The following SCFD2 variants were observed in gnomAD, a reference collection of about 807,000 sequenced individuals.
SCFD2 encodes sec1 family domain-containing protein 2.
In SCFD2, 54 loss-of-function variants were observed where a neutral mutation model predicts 58.9. The ratio of observed to expected loss-of-function variants is 0.92; its 90% CI spans 0.74 to 1.15. The LOEUF (loss-of-function observed/expected upper bound fraction) is 1.15, where lower values mean the gene tolerates loss of function less well. Ranked by LOEUF, SCFD2 falls within the 50% of genes most tolerant of loss-of-function variation. SCFD2 has a pLI of 0.00. For synonymous variants in SCFD2, 321 were observed against 335.9 expected, an observed-to-expected ratio of 0.96 and a Z score of 0.49; for missense variants, 805 against 836.6, an observed-to-expected ratio of 0.96 and a Z score of 0.47.
At chr4:53,136,517 A>C (rs953564120) in intron 5 of SCFD2, among the ~76,000 whole-genome samples, 1 of 152,230 alleles carries the variant, frequency 6.6e-6, no homozygotes, top group Non-Finnish European at 1.5e-5. Context: ...GGAAAACCTG[A>C]AAACACAATG....
intron 4 of SCFD2, among the ~76,000 whole-genome samples, chr4:53,237,529 C>G (rs1278417259): frequency 1.3e-4 from 10 of 78,548 alleles, no homozygotes; most frequent in Admixed American, 1.1e-3. Flanking sequence ...CTGACCCCCA[C>G]CTCTCTCCCA....
At chr4:53,017,088 A>G (rs1287915968) in intron 5 of SCFD2, among the ~76,000 whole-genome samples, 2 of 149,582 alleles carry the variant, frequency 1.3e-5, no homozygotes, top group Non-Finnish European at 2.9e-5. Flanking sequence ...AGCCTGGGCA[A>G]CAGAGCGAGA....
intron 4 of SCFD2, among the ~76,000 whole-genome samples, chr4:53,181,162 C>A (rs979016771): frequency 6.6e-6 from 1 of 152,096 alleles, no homozygotes; most frequent in African/African-American, 2.4e-5. Flanking sequence ...GTTATGAGGC[C>A]AGCATCATCC....
intron 4 of SCFD2, among the ~76,000 whole-genome samples, chr4:53,247,630 C>T (rs1308868021): frequency 4.6e-5 from 7 of 151,650 alleles, no homozygotes; most frequent in Middle Eastern, 6.8e-3. Flanking sequence ...GAGGCCGAGG[C>T]GGGTGGATCA....
intron 6 of SCFD2, among the ~76,000 whole-genome samples, chr4:52,914,646 C>A (rs1251695183): frequency 6.6e-6 from 1 of 152,126 alleles, no homozygotes; most frequent in Non-Finnish European, 1.5e-5. Context: ...ACATACAGTG[C>A]CTTGGGCCCA....
intron 5 of SCFD2, among the ~76,000 whole-genome samples, chr4:53,102,398 G>T (rs937416685): frequency 6.6e-6 from 1 of 151,932 alleles, no homozygotes; most frequent in Non-Finnish European, 1.5e-5. Context: ...TTTAAAAATT[G>T]ACATATTTGA....
chr4:53,117,591 TC>T (rs1306010692), intron 5 of SCFD2, among the ~76,000 whole-genome samples: 1 of 152,128 alleles, frequency 6.6e-6, no homozygotes, highest in Non-Finnish European at 1.5e-5. Flanking sequence ...CTCCTTCCCA[TC>T]CCACCATCCA....
intron 3 of SCFD2, among the ~76,000 whole-genome samples, chr4:53,275,441 C>T (rs1731299222): frequency 6.6e-6 from 1 of 152,126 alleles, no homozygotes; most frequent in African/African-American, 2.4e-5. Context: ...CTCAAAGCAG[C>T]AAGCTAACAA....
chr4:53,243,708 G>A (rs1315801614), intron 4 of SCFD2, among the ~76,000 whole-genome samples: 1 of 151,588 alleles, frequency 6.6e-6, no homozygotes, highest in Non-Finnish European at 1.5e-5. Flanking sequence ...AAAAAAAAGA[G>A]AGAAAAAAAA....
intron 5 of SCFD2, among the ~76,000 whole-genome samples, chr4:53,043,285 T>C (rs1461839906): frequency 1.3e-5 from 2 of 152,118 alleles, no homozygotes; most frequent in African/African-American, 4.8e-5. Flanking sequence ...AGGGATGGCA[T>C]TGAGCCAAAA....
At position 53,258,488 on chromosome 4, in the gene SCFD2, G is replaced by A. The variant is rs114610616; in HGVS notation, c.1311+15338C>T. Among the ~76,000 whole-genome samples the A allele has an allele frequency of 2.7e-3, 393 of 146,566 alleles. 1 individual carries two copies. The highest frequency in any genetic ancestry group is 9.6e-3 in the African/African-American group (375 of 39,128). On this transcript the variant is annotated intron_variant, in intron 4 of 8. Transcript: ENST00000401642. ...CAATTCCATCAAGGTTGCTGCAAATGCCATTATTTTGTTTCTTTTTATGGC... is the reference window on the plus strand; with the variant it reads ...CAATTCCATCAAGGTTGCTGCAAATACCATTATTTTGTTTCTTTTTATGGC...
chr4:52,945,765 G>A (rs925225606), intron 5 of SCFD2: 1 of 152,112 alleles, frequency 6.6e-6, no homozygotes, highest in Admixed American at 6.6e-5. Context: ...AATAACGTAA[G>A]TTTCAAATGG....
chr4:53,075,871 C>T lies in SCFD2; in HGVS notation c.1561+69462G>A, dbSNP rs554403502. Among the ~76,000 whole-genome samples the T allele has an allele frequency of 8.5e-5, 13 of 152,264 alleles. No individual in the cohort carries two copies. In the South Asian group the frequency reaches 2.5e-3, roughly 29 times the overall value. ...TTGTGAGAGTTACCAAAATGTGACA[C>T]AGACATGAAGTGAGCATATGCCGTT... On this transcript the variant is annotated intron_variant, in intron 5 of 8. Coordinates refer to ENST00000401642, the MANE Select transcript of SCFD2 (RefSeq NM_152540.4).
intron 4 of SCFD2, among the ~76,000 whole-genome samples, chr4:53,188,916 T>G (rs1207113763): frequency 6.6e-6 from 1 of 152,178 alleles, no homozygotes; most frequent in Non-Finnish European, 1.5e-5. Context: ...TAGCACCCAG[T>G]TTTTATTTAG....
chr4:52,899,479 C>T (rs2109462307), intron 7 of SCFD2, among the ~76,000 whole-genome samples: 1 of 152,312 alleles, frequency 6.6e-6, no homozygotes, highest in South Asian at 2.1e-4. Flanking sequence ...ATACTGGCCC[C>T]CACTCTCTTC....
At chr4:52,956,035 T>C (rs1338463985) in intron 5 of SCFD2, 5 of 456,472 alleles carry the variant, frequency 1.1e-5, no homozygotes, top group Admixed American at 9.4e-5. Flanking sequence ...TTCAGATTTG[T>C]TGGTGAAGAG....
chr4:53,088,588 C>A (rs558920614), intron 5 of SCFD2, among the ~76,000 whole-genome samples: 49 of 152,288 alleles, frequency 3.2e-4, no homozygotes, highest in African/African-American at 1.2e-3. Context: ...TCTATTCTAT[C>A]CCTGTCCCAC....
chr4:53,092,766 T>C (rs996316430), intron 5 of SCFD2, among the ~76,000 whole-genome samples: 1 of 151,988 alleles, frequency 6.6e-6, no homozygotes, highest in African/African-American at 2.4e-5. Flanking sequence ...AATGACAAAA[T>C]TATTAAGAGA....
At chr4:52,951,974 A>G (rs1720604756) in intron 5 of SCFD2, among the ~76,000 whole-genome samples, 2 of 152,222 alleles carry the variant, frequency 1.3e-5, no homozygotes, top group South Asian at 4.1e-4. Context: ...CACTGTGCAG[A>G]GGAGAAGGCG....
Sources: allele counts gnomAD v4.1 joint callset (sites outside exome capture counted in the v4.1 genomes callset), GRCh38; gene constraint gnomAD v4.1.1; transcripts MANE v1.5; gene names NCBI Gene and HGNC (gene_info 2026-07-23, HGNC 2026-07-21).